Variants in OTUD4 observed in about 807,000 individuals in gnomAD.
OTUD4 encodes OTU deubiquitinase 4, also known as OTU domain-containing protein 4.
In OTUD4, 24 loss-of-function variants were observed where a neutral mutation model predicts 130.4. That is an observed-to-expected ratio of 0.18 (90% CI 0.13 to 0.26). OTUD4 has a LOEUF of 0.26. OTUD4 is among the 10% of genes least tolerant of loss of function. The probability of loss-of-function intolerance (pLI) is 1.00; values close to 1 mark genes in which losing one functional copy is unlikely to be tolerated. For synonymous variants in OTUD4, 420 were observed against 472.5 expected (o/e 0.89, Z 1.44); for missense variants, 1,031 against 1,329.4 (o/e 0.78, Z 3.49).
intron 3 of OTUD4, chr4:145,170,831 T>C (rs1293800713): frequency 6.6e-6 from 1 of 152,252 alleles, no homozygotes; most frequent in Non-Finnish European, 1.5e-5. Flanking sequence ...TCCAAGATAC[T>C]TGGATTTTTA....
intron 3 of OTUD4, among the ~76,000 whole-genome samples, chr4:145,169,427 T>C (rs1752043013): frequency 6.6e-6 from 1 of 152,208 alleles, no homozygotes. Context: ...CCATCAAATA[T>C]CTGCCAAATG....
At chr4:145,157,463 T>G (rs977679808) in intron 7 of OTUD4, among the ~76,000 whole-genome samples, 6 of 151,436 alleles carry the variant, frequency 4.0e-5, no homozygotes, top group African/African-American at 1.5e-4. Context: ...CCGAGGCGGG[T>G]GGATCGCCTG....
intron 18 of OTUD4, 116 bp downstream of exon 18, chr4:145,142,078 GCT>G (rs1234346846): frequency 1.2e-6 from 1 of 814,038 alleles, no homozygotes; most frequent in Non-Finnish European, 2.0e-6. Flanking sequence ...ATCACAGAAA[GCT>G]CTGTGAGGCT....
chr4:145,170,189 C>A (rs1752087280), intron 3 of OTUD4, among the ~76,000 whole-genome samples: 1 of 152,210 alleles, frequency 6.6e-6, no homozygotes, highest in African/African-American at 2.4e-5. Context: ...TTTTCACATG[C>A]ACATCAAGTG....
chr4:145,139,056 G>C (rs1418021474), intron 20 of OTUD4, among the ~76,000 whole-genome samples: 1 of 152,170 alleles, frequency 6.6e-6, no homozygotes, highest in African/African-American at 2.4e-5. Flanking sequence ...TCAGGACTCT[G>C]CAATTCTAGG....
chr4:145,151,038 G>C, intron 11 of OTUD4, 133 bp from the exon 12 acceptor site: 2 of 501,446 alleles, frequency 4.0e-6, no homozygotes, highest in Non-Finnish European at 6.9e-6. Flanking sequence ...TTACAATTAA[G>C]GTACAAATTG....
Position 145,154,891 on chromosome 4 carries a change from T to C in OTUD4, c.873+520A>G, listed in dbSNP as rs182073224. On this transcript the variant is annotated intron_variant, in intron 10 of 20. Coordinates refer to ENST00000447906, the MANE Select transcript of OTUD4 (RefSeq NM_001366057.1). ...GGTTAACCACTAGTTTAAGAAACAC[T>C]GATTTTAATCCAACTTTTTCCTTTA... Among the ~76,000 whole-genome samples the C allele has an allele frequency of 3.9e-5, 6 of 152,344 alleles. No individual in the cohort carries two copies. The East Asian group carries it at 7.7e-4, about 20-fold the overall frequency.
intron 1 of OTUD4, among the ~76,000 whole-genome samples, chr4:145,177,006 T>C (rs745942097): frequency 6.6e-6 from 1 of 152,230 alleles, no homozygotes; most frequent in Non-Finnish European, 1.5e-5. Flanking sequence ...TATATTCTTA[T>C]ATATTCTAAG....
intron 10 of OTUD4, among the ~76,000 whole-genome samples, chr4:145,154,687 G>A (rs1285762146): frequency 2.0e-5 from 3 of 152,132 alleles, no homozygotes; most frequent in Admixed American, 2.0e-4. Context: ...TTTGGACTAG[G>A]TATTTTTTGT....
intron 4 of OTUD4, among the ~76,000 whole-genome samples, chr4:145,164,933 A>T (rs1325319505): frequency 1.3e-5 from 2 of 152,132 alleles, no homozygotes; most frequent in Non-Finnish European, 2.9e-5. Context: ...GACCGGAAAA[A>T]TTTCTGTACC....
At chr4:145,174,232 A>T (rs557374862) in intron 2 of OTUD4, among the ~76,000 whole-genome samples, 1 of 152,162 alleles carries the variant, frequency 6.6e-6, no homozygotes, top group East Asian at 1.9e-4. Flanking sequence ...TCACCTCCCA[A>T]AGTACTGGGA....
rs1290849129 is a variant in OTUD4, at chr4:145,150,501, CAAG to C, written c.1259+9_1259+11del. 7 of 1,568,664 alleles carry C rather than the reference CAAG, an allele frequency of 4.5e-6. No individual in the cohort carries two copies. Among genetic ancestry groups the C allele is most frequent in the East Asian group, 4.5e-5 (2 of 44,008 alleles). ...TTGATTTCTATACTTCTCTTACATT[CAAG>C]AAGGTTACCTTATGATCTGTGAAGG... On this transcript the variant is annotated intron_variant, in intron 13 of 20. Coordinates refer to ENST00000447906, the MANE Select transcript of OTUD4 (RefSeq NM_001366057.1).
At chr4:145,147,486 C>A (rs1271398062) in intron 13 of OTUD4, among the ~76,000 whole-genome samples, 1 of 152,142 alleles carries the variant, frequency 6.6e-6, no homozygotes, top group Non-Finnish European at 1.5e-5. Flanking sequence ...TTAGCACTAC[C>A]TTATCACCAT....
intron 5 of OTUD4, among the ~76,000 whole-genome samples, chr4:145,163,383 C>G (rs896987188): frequency 6.6e-6 from 1 of 152,134 alleles, no homozygotes; most frequent in South Asian, 2.1e-4. Flanking sequence ...ATCTTTCTTT[C>G]TAGGCTTCAC....
intron 3 of OTUD4, among the ~76,000 whole-genome samples, chr4:145,168,038 A>G (rs916251458): frequency 9.2e-5 from 14 of 152,112 alleles, no homozygotes; most frequent in African/African-American, 2.9e-4. Flanking sequence ...AAAAAAATCG[A>G]TATTATACTA....
chr4:145,137,421 C>T lies in OTUD4; in HGVS notation c.*9G>A. 1 of 1,582,288 alleles carries T rather than the reference C, an allele frequency of 6.3e-7. No homozygotes were observed. ...GAGTTTCTGTTAGAAAATACTTCGG[C>T]AACAACCATCAAGTGTGCTGTCCCC... On this transcript the variant is annotated 3_prime_UTR_variant, in exon 21 of 21. Coordinates refer to ENST00000447906, the MANE Select transcript of OTUD4 (RefSeq NM_001366057.1).
At chr4:145,158,512 CAAAAA>C (rs74576967) in intron 7 of OTUD4, among the ~76,000 whole-genome samples, 1 of 141,874 alleles carries the variant, frequency 7.0e-6, no homozygotes, top group African/African-American at 2.6e-5. Context: ...CAAAAAAAAA[CAAAAA>C]AAAAACAAAT....
intron 7 of OTUD4, 47 bp downstream of exon 7, chr4:145,159,456 T>C (rs1197926644): frequency 6.2e-7 from 1 of 1,610,022 alleles, no homozygotes; most frequent in African/African-American, 1.3e-5. Flanking sequence ...TTTACTTAAC[T>C]TTCCTTGTAT....
chr4:145,155,710 T>A, intron 8 of OTUD4, 24 bp from the exon 9 acceptor site: 1 of 1,444,158 alleles, frequency 6.9e-7, no homozygotes, highest in Non-Finnish European at 9.6e-7. Flanking sequence ...GGAAGTCCAA[T>A]CAACACATAA....
Sources: gnomAD v4.1 joint callset for allele counts (sites outside exome capture counted in the v4.1 genomes callset) on GRCh38, gnomAD v4.1.1 for gene constraint, MANE v1.5 for transcripts, NCBI Gene and HGNC (gene_info 2026-07-23, HGNC 2026-07-21) for gene names.